HIBADH: variants seen among roughly 807,000 people sequenced by gnomAD.
HIBADH encodes the protein 3-hydroxyisobutyrate dehydrogenase, also known as 3-hydroxyisobutyrate dehydrogenase, mitochondrial.
HIBADH carries 25 observed loss-of-function variants against 36.1 expected under a neutral mutation model. The ratio of observed to expected loss-of-function variants is 0.69; its 90% CI spans 0.50 to 0.97. The LOEUF is 0.97. Among genes scored for constraint, HIBADH ranks in the 50% least tolerant of loss-of-function variants. The probability of loss-of-function intolerance (pLI) is 0.00; values close to 1 mark genes in which losing one functional copy is unlikely to be tolerated. For missense variants in HIBADH, 421 were observed against 418.0 expected, an observed-to-expected ratio of 1.01 and a Z score of -0.06; for synonymous variants, 160 against 149.5, an observed-to-expected ratio of 1.07 and a Z score of -0.51.
intron 4 of HIBADH, among the ~76,000 whole-genome samples, chr7:27,544,516 T>A (rs184724699): frequency 6.6e-6 from 1 of 152,358 alleles, no homozygotes; most frequent in East Asian, 1.9e-4. Context: ...CAAACATTCT[T>A]ATAACATTAA....
intron 2 of HIBADH, among the ~76,000 whole-genome samples, chr7:27,635,565 G>C (rs1785824286): frequency 1.3e-5 from 2 of 152,170 alleles, no homozygotes. Flanking sequence ...AAAGTAAAAA[G>C]GAAACTTAGA....
At chr7:27,626,615 C>T (rs1419249418) in intron 4 of HIBADH, among the ~76,000 whole-genome samples, 2 of 152,036 alleles carry the variant, frequency 1.3e-5, no homozygotes, top group Non-Finnish European at 2.9e-5. Context: ...ATAATACTTA[C>T]CAGGAAGTAG....
At chr7:27,609,556 C>T (rs1785289329) in intron 4 of HIBADH, among the ~76,000 whole-genome samples, 1 of 152,052 alleles carries the variant, frequency 6.6e-6, no homozygotes, top group Non-Finnish European at 1.5e-5. Context: ...ATAATTGACC[C>T]AGTTCTGTGT....
chr7:27,607,924 T>C (rs1018258720), intron 4 of HIBADH, among the ~76,000 whole-genome samples: 1 of 152,202 alleles, frequency 6.6e-6, no homozygotes, highest in Non-Finnish European at 1.5e-5. Flanking sequence ...TTTTAATATA[T>C]GGACATAGTA....
intron 1 of HIBADH, among the ~76,000 whole-genome samples, chr7:27,661,612 G>C (rs80353773): frequency 6.7e-6 from 1 of 149,922 alleles, no homozygotes; most frequent in African/African-American, 2.4e-5. Context: ...AAAAAAAAGG[G>C]CGGGGGGCCA....
chr7:27,546,807 TAAG>T (rs1283575876), intron 4 of HIBADH, among the ~76,000 whole-genome samples: 1 of 152,210 alleles, frequency 6.6e-6, no homozygotes, highest in Non-Finnish European at 1.5e-5. Context: ...TCCCTGCTCC[TAAG>T]AAGGTACACA....
At chr7:27,628,661 C>A (rs1785689952) in intron 4 of HIBADH, among the ~76,000 whole-genome samples, 1 of 152,002 alleles carries the variant, frequency 6.6e-6, no homozygotes, top group African/African-American at 2.4e-5. Context: ...AAATTATATG[C>A]ACAGATTTTC....
intron 6 of HIBADH, among the ~76,000 whole-genome samples, chr7:27,537,936 C>T (rs1253998304): frequency 2.6e-5 from 4 of 152,020 alleles, no homozygotes; most frequent in African/African-American, 9.7e-5. Context: ...AAACTAGTCA[C>T]ATGGTAGCAT....
At chr7:27,540,610 A>C (rs112888003) in intron 5 of HIBADH, among the ~76,000 whole-genome samples, 14 of 152,280 alleles carry the variant, frequency 9.2e-5, no homozygotes, top group African/African-American at 3.4e-4. Flanking sequence ...TCAATGGTGT[A>C]ATCTTTCCAG....
intron 4 of HIBADH, among the ~76,000 whole-genome samples, chr7:27,548,993 AT>A (rs1301228949): frequency 6.6e-6 from 1 of 152,226 alleles, no homozygotes; most frequent in Non-Finnish European, 1.5e-5. Context: ...TTCTGAATCC[AT>A]TTGTGAATCT....
chr7:27,579,105 G>A (rs1412907971), intron 4 of HIBADH, among the ~76,000 whole-genome samples: 1 of 152,076 alleles, frequency 6.6e-6, no homozygotes, highest in Non-Finnish European at 1.5e-5. Flanking sequence ...ATTAGATGCT[G>A]GATCAAAGAA....
In HIBADH at chr7:27,643,125, A is replaced by G. The variant is rs57032962; in HGVS notation, c.252+6348T>C. Among the ~76,000 whole-genome samples the G allele has an allele frequency of 9.4e-3, 1,428 of 152,346 alleles. 24 individuals are homozygous for G. Among genetic ancestry groups the G allele is most frequent in the African/African-American group, 0.032 (1,344 of 41,582 alleles). Reference sequence around the variant, plus strand: ...CACCTATTGGTCCCTAAAGGCACAGACTGTGACTGTCTTGTTCTGAGCTAT... The same window carrying G: ...CACCTATTGGTCCCTAAAGGCACAGGCTGTGACTGTCTTGTTCTGAGCTAT... On this transcript the variant is annotated intron_variant, in intron 2 of 7. Transcript: ENST00000265395.
At chr7:27,625,840 G>A (rs574928374) in intron 4 of HIBADH, among the ~76,000 whole-genome samples, 4 of 152,178 alleles carry the variant, frequency 2.6e-5, no homozygotes, top group South Asian at 2.1e-4. Flanking sequence ...GGTGGCTCAC[G>A]CCTGTATTCC....
chr7:27,614,237 C>T (rs1163236299), intron 4 of HIBADH, among the ~76,000 whole-genome samples: 1 of 152,144 alleles, frequency 6.6e-6, no homozygotes, highest in African/African-American at 2.4e-5. Context: ...CTCATCCCCA[C>T]TAAATTGATC....
At chr7:27,660,099 G>T (rs1038188629) in intron 1 of HIBADH, among the ~76,000 whole-genome samples, 2 of 152,190 alleles carry the variant, frequency 1.3e-5, no homozygotes, top group South Asian at 4.1e-4. Context: ...CTACTAACCG[G>T]CAACTTTCAG....
chr7:27,528,754 A>G (rs1783951022), intron 7 of HIBADH, among the ~76,000 whole-genome samples: 1 of 152,256 alleles, frequency 6.6e-6, no homozygotes, highest in Admixed American at 6.5e-5. Flanking sequence ...TATCCAGAAG[A>G]TCCAGCTATC....
chr7:27,598,070 A>T (rs1231494144), intron 4 of HIBADH, among the ~76,000 whole-genome samples: 1 of 152,230 alleles, frequency 6.6e-6, no homozygotes, highest in Non-Finnish European at 1.5e-5. Context: ...GGGAGAATTT[A>T]ATCAATCAAA....
intron 6 of HIBADH, among the ~76,000 whole-genome samples, chr7:27,533,884 C>T (rs1784035672): frequency 6.6e-6 from 1 of 152,148 alleles, no homozygotes; most frequent in Non-Finnish European, 1.5e-5. Flanking sequence ...GCATAAGAGC[C>T]CCATTGCTGT....
intron 2 of HIBADH, among the ~76,000 whole-genome samples, chr7:27,640,063 C>T (rs988384006): frequency 2.0e-5 from 3 of 152,228 alleles, no homozygotes; most frequent in African/African-American, 7.2e-5. Context: ...CGCCACCCTC[C>T]GTGCCCAGTG....
Sources: gnomAD v4.1 joint callset for allele counts (sites outside exome capture counted in the v4.1 genomes callset) on GRCh38, gnomAD v4.1.1 for gene constraint, MANE v1.5 for transcripts, NCBI Gene and HGNC (gene_info 2026-07-23, HGNC 2026-07-21) for gene names.